Variants in MID1 observed in about 807,000 individuals in gnomAD.
MID1 encodes midline 1.
Under a neutral mutation model 40.4 loss-of-function variants are expected in MID1, and 7 were observed. That is an observed-to-expected ratio of 0.17 (90% CI 0.10 to 0.33). MID1 has a LOEUF of 0.33. Ranked by LOEUF, MID1 falls within the 10% of genes least tolerant of loss-of-function variation. The pLI, the probability that MID1 is intolerant of heterozygous loss-of-function variation, is 1.00. For missense variants in MID1, 367 were observed against 558.5 expected (o/e 0.66, Z 3.46); for synonymous variants, 229 against 221.2 (o/e 1.04, Z -0.31).
intron 6 of MID1, 129 bp from the exon 7 acceptor site, chrX:10,469,969 G>C: frequency 1.7e-6 from 1 of 585,279 alleles, no homozygotes; most frequent in East Asian, 3.4e-5. Flanking sequence ...TAGAGATGGT[G>C]ACCCCAATCT....
At chrX:10,532,100 A>G (rs768167801) in intron 2 of MID1, among the ~76,000 whole-genome samples, 5 of 112,235 alleles carry the variant, frequency 4.5e-5, no homozygotes, top group African/African-American at 6.5e-5. Context: ...GGATGGTCCA[A>G]TTGGGCAACT....
intron 1 of MID1, among the ~76,000 whole-genome samples, chrX:10,736,174 T>C (rs1400322291): frequency 2.7e-5 from 3 of 110,491 alleles, no homozygotes; most frequent in Admixed American, 9.6e-5. Context: ...AGAGACGGGG[T>C]TTCACCGTGT....
chrX:10,763,029 C>T lies in MID1; in HGVS notation c.-187+70525G>A, dbSNP rs143718433. Among the ~76,000 whole-genome samples, 795 of 110,913 alleles carry T rather than the reference C, an allele frequency of 7.2e-3. 3 individuals carry two copies. Among genetic ancestry groups the T allele is most frequent in the Non-Finnish European group, 0.011 (599 of 52,982 alleles). On this transcript the variant is annotated intron_variant, in intron 1 of 10. Coordinates refer to the MID1 transcript ENST00000380785. ...TTTTTCTGAAAACGGTCAGATAGTACGTATTTTCCGCTTTGTGGGCCACAT... is the reference window on the plus strand; with the variant it reads ...TTTTTCTGAAAACGGTCAGATAGTATGTATTTTCCGCTTTGTGGGCCACAT...
intron 1 of MID1, among the ~76,000 whole-genome samples, chrX:10,652,225 C>A (rs966581275): frequency 4.5e-5 from 5 of 111,778 alleles, no homozygotes. Flanking sequence ...CAGCTCGTGT[C>A]TGTCCCATCT....
chrX:10,762,271 T>A (rs1372638808), intron 1 of MID1, among the ~76,000 whole-genome samples: 1 of 111,907 alleles, frequency 8.9e-6, no homozygotes, highest in Non-Finnish European at 1.9e-5. Context: ...TTTACTTATA[T>A]AACTCTTCGC....
intron 1 of MID1, among the ~76,000 whole-genome samples, chrX:10,667,419 G>C (rs1475502412): frequency 1.8e-5 from 2 of 111,389 alleles, no homozygotes; most frequent in African/African-American, 6.5e-5. Context: ...ATGTAAATTG[G>C]TAAACTCTGT....
intron 1 of MID1, among the ~76,000 whole-genome samples, chrX:10,813,340 T>C (rs776696873): frequency 9.9e-5 from 11 of 111,422 alleles, no homozygotes; most frequent in Non-Finnish European, 1.9e-4. Context: ...ATTTGCTGGG[T>C]CCTGCCTACT....
rs189912142 is a variant in MID1, at chrX:10,456,525, T to C, written c.1448-1448A>G. Among the ~76,000 whole-genome samples the C allele has an allele frequency of 9.4e-4, 106 of 112,670 alleles. 1 individual carries two copies. The highest frequency in any genetic ancestry group is 3.3e-3 in the African/African-American group (104 of 31,071). ...AGTTAGCTGGCTTTTGTTTTAGAAA[T>C]CTATTTCTGTACATATCAAAGAAAA... On this transcript the variant is annotated intron_variant, in intron 8 of 9. Coordinates refer to ENST00000317552, the MANE Select transcript of MID1 (RefSeq NM_000381.4).
intron 3 of MID1, among the ~76,000 whole-genome samples, chrX:10,503,405 G>T (rs1042183306): frequency 8.9e-6 from 1 of 111,815 alleles, no homozygotes; most frequent in African/African-American, 3.2e-5. Flanking sequence ...AAGTGAATGA[G>T]AGAGAGAGAG....
chrX:10,560,829 C>CCTAGTTGCAAACTGGGA (rs1569104942), intron 2 of MID1, among the ~76,000 whole-genome samples: 21 of 107,382 alleles, frequency 2.0e-4, no homozygotes, highest in African/African-American at 6.3e-4. Flanking sequence ...CTATCCCCAT[C>CCTAGTTGCAAACTGGGA]AAGCTACCAT....
intron 6 of MID1, among the ~76,000 whole-genome samples, chrX:10,473,663 G>A (rs1250709151): frequency 8.9e-6 from 1 of 112,444 alleles, no homozygotes; most frequent in East Asian, 2.8e-4. Flanking sequence ...GTCACGCTAA[G>A]TTAGAGACGT....
chrX:10,538,915 T>G (rs757342999), intron 2 of MID1, among the ~76,000 whole-genome samples: 19 of 112,320 alleles, frequency 1.7e-4, no homozygotes, highest in Non-Finnish European at 2.8e-4. Context: ...CATTTCAAAA[T>G]TGGATAGAGT....
intron 1 of MID1, among the ~76,000 whole-genome samples, chrX:10,788,304 G>A (rs1345351862): frequency 1.8e-5 from 2 of 111,751 alleles, no homozygotes; most frequent in African/African-American, 6.5e-5. Flanking sequence ...TCCTTAATTA[G>A]AGTAATCACC....
chrX:10,720,025 T>C (rs947174541), intron 1 of MID1, among the ~76,000 whole-genome samples: 1 of 111,940 alleles, frequency 8.9e-6, no homozygotes, highest in Non-Finnish European at 1.9e-5. Flanking sequence ...ATCCCTTCCT[T>C]ACACCTTATA....
intron 1 of MID1, among the ~76,000 whole-genome samples, chrX:10,738,767 A>T (rs954187888): frequency 1.8e-5 from 2 of 110,519 alleles, no homozygotes; most frequent in Non-Finnish European, 3.8e-5. Context: ...CTGAAACACA[A>T]ATTGAAGTTG....
intron 3 of MID1, chrX:10,505,435 T>TC (rs1931782087): frequency 1.3e-6 from 1 of 750,856 alleles, no homozygotes; most frequent in African/African-American, 2.3e-5. Context: ...AATAAACTCC[T>TC]CCCTTCCTTT....
intron 1 of MID1, among the ~76,000 whole-genome samples, chrX:10,771,249 T>A (rs892046256): frequency 1.8e-5 from 2 of 111,396 alleles, no homozygotes; most frequent in Non-Finnish European, 3.8e-5. Context: ...TAGGTTTAAT[T>A]GTTTTAAGTG....
At chrX:10,817,683 G>C (rs1364082722) in intron 1 of MID1, among the ~76,000 whole-genome samples, 1 of 95,916 alleles carries the variant, frequency 1.0e-5, no homozygotes, top group Non-Finnish European at 2.0e-5. Flanking sequence ...GCAGTGGTGT[G>C]ATCTTGGCTC....
At chrX:10,492,443 T>G (rs1931001392) in intron 4 of MID1, among the ~76,000 whole-genome samples, 1 of 111,729 alleles carries the variant, frequency 9.0e-6, no homozygotes, top group Admixed American at 9.5e-5. Flanking sequence ...AGGAATCCCA[T>G]CCTTATCTCT....
Sources: gnomAD v4.1 joint callset for allele counts (sites outside exome capture counted in the v4.1 genomes callset) on GRCh38, gnomAD v4.1.1 for gene constraint, MANE v1.5 for transcripts, NCBI Gene and HGNC (gene_info 2026-07-23, HGNC 2026-07-21) for gene names.